The following FAM47E variants were observed in gnomAD, a reference collection of about 807,000 sequenced individuals.
The protein encoded by FAM47E is protein FAM47E.
FAM47E carries 32 observed loss-of-function variants against 41.6 expected under a neutral mutation model. That is an observed-to-expected ratio of 0.77 (90% CI 0.58 to 1.03). FAM47E has a LOEUF of 1.03. Ranked by LOEUF, FAM47E falls within the 50% of genes least tolerant of loss-of-function variation. The pLI is 0.00. For missense variants in FAM47E, 424 were observed against 485.4 expected, an observed-to-expected ratio of 0.87 and a Z score of 1.19; for synonymous variants, 184 against 188.7, an observed-to-expected ratio of 0.98 and a Z score of 0.20.
chr4:76,282,085 G>GTATGTAGAAGTACAGTA (rs1560755325), intron 7 of FAM47E: 2 of 148,908 alleles, frequency 1.3e-5, no homozygotes, highest in African/African-American at 5.0e-5. Flanking sequence ...GAAGTACAGT[G>GTATGTAGAAGTACAGTA]TACAGAGATA....
At chr4:76,253,815 A>C (rs1212918171) in intron 1 of FAM47E, among the ~76,000 whole-genome samples, 1 of 151,502 alleles carries the variant, frequency 6.6e-6, no homozygotes, top group East Asian at 1.9e-4. Context: ...AATTAAAAAA[A>C]AAAAAGAAAG....
At chr4:76,216,606 G>GT (rs1733211908) in intron 1 of FAM47E, among the ~76,000 whole-genome samples, 1 of 152,196 alleles carries the variant, frequency 6.6e-6, no homozygotes, top group South Asian at 2.1e-4. Context: ...TTTGATAAAT[G>GT]TATCTTAGTG....
At chr4:76,248,299 G>C (rs1407987480), upstream of FAM47E, among the ~76,000 whole-genome samples, 1 of 151,190 alleles carries the variant, frequency 6.6e-6, no homozygotes, top group Non-Finnish European at 1.5e-5. Context: ...TTCTTTTGTT[G>C]CTTTGGCTTT....
At chr4:76,223,983 G>A (rs1733351904) in intron 2 of FAM47E, among the ~76,000 whole-genome samples, 1 of 152,064 alleles carries the variant, frequency 6.6e-6, no homozygotes, top group Non-Finnish European at 1.5e-5. Context: ...TGATGTTGGG[G>A]GAATGTAATT....
At chr4:76,262,408 C>CT (rs1037345744) in intron 2 of FAM47E, among the ~76,000 whole-genome samples, 1 of 151,794 alleles carries the variant, frequency 6.6e-6, no homozygotes, top group Non-Finnish European at 1.5e-5. Flanking sequence ...TTCTTCTTAG[C>CT]TTTTTTTTAG....
intron 7 of FAM47E, chr4:76,282,663 G>A (rs1486680068): frequency 6.6e-6 from 1 of 151,754 alleles, no homozygotes; most frequent in Non-Finnish European, 1.5e-5. Flanking sequence ...CCCTACATCT[G>A]GCTGTCCTCT....
chr4:76,254,127 T>TA (rs1734087920), intron 1 of FAM47E, among the ~76,000 whole-genome samples: 8 of 54,840 alleles, frequency 1.5e-4, no homozygotes, highest in African/African-American at 4.1e-4. Flanking sequence ...GACCCTGTCT[T>TA]GAAAAAAAAA....
chr4:76,220,135 G>C (rs967627605), intron 2 of FAM47E, among the ~76,000 whole-genome samples: 6 of 152,276 alleles, frequency 3.9e-5, no homozygotes, highest in Non-Finnish European at 7.3e-5. Flanking sequence ...ATTATCATAT[G>C]ACCTAGCAAC....
intron 5 of FAM47E, among the ~76,000 whole-genome samples, chr4:76,273,901 A>AT (rs558179280): frequency 7.1e-4 from 108 of 151,308 alleles, no homozygotes; most frequent in African/African-American, 2.4e-3. Context: ...CCCATCTAGT[A>AT]TTTTTTTAGA....
chr4:76,235,014 A>G (rs773156349), intron 2 of FAM47E, among the ~76,000 whole-genome samples: 140 of 152,310 alleles, frequency 9.2e-4, no homozygotes, highest in Non-Finnish European at 1.7e-3. Flanking sequence ...TCCCTCCTGA[A>G]AAATAAACAT....
chr4:76,275,813 C>T (rs987263387), intron 5 of FAM47E, among the ~76,000 whole-genome samples: 1 of 152,182 alleles, frequency 6.6e-6, no homozygotes, highest in South Asian at 2.1e-4. Flanking sequence ...CTCTCCTTCT[C>T]CCCTTTCTAC....
intron 5 of FAM47E, among the ~76,000 whole-genome samples, chr4:76,273,125 T>A (rs1734961053): frequency 6.6e-6 from 1 of 152,198 alleles, no homozygotes. Context: ...TTTTTTGATA[T>A]GATAACAGGC....
upstream of FAM47E, among the ~76,000 whole-genome samples, chr4:76,249,759 T>A (rs1010727120): frequency 3.0e-4 from 45 of 152,098 alleles, no homozygotes; most frequent in African/African-American, 1.1e-3. Context: ...TCCCCATAGC[T>A]TAGCTCCTAC....
At chr4:76,247,262 A>G (rs1733847853), upstream of FAM47E, among the ~76,000 whole-genome samples, 1 of 152,120 alleles carries the variant, frequency 6.6e-6, no homozygotes, top group Non-Finnish European at 1.5e-5. Flanking sequence ...AATCCATGTT[A>G]TAACTTATCA....
chr4:76,253,143 C>G (rs1185013905), intron 1 of FAM47E, among the ~76,000 whole-genome samples: 1 of 152,180 alleles, frequency 6.6e-6, no homozygotes, highest in African/African-American at 2.4e-5. Flanking sequence ...CTGTTTGAGA[C>G]TGGCTCTTTT....
Position 76,280,298 on chromosome 4 carries a change from C to A in FAM47E, c.1061C>A (p.Ala354Asp). Residue 354 changes from alanine to aspartate, a missense_variant, in exon 7 of 8, where the codon GCC (alanine) becomes GAC (aspartate). By Grantham distance (126) the Ala-to-Asp change is moderately radical. Coordinates refer to ENST00000424749, the MANE Select transcript of FAM47E (RefSeq NM_001136570.3). ...ELLADLHGTV[A>D]FKDFILSRGY... ...CTTGCAGACCTTCACGGAACAGTTGCCTTTAAGGATTTCATTCTAAGCAGG... is the reference window on the plus strand; with the variant it reads ...CTTGCAGACCTTCACGGAACAGTTGACTTTAAGGATTTCATTCTAAGCAGG... The A allele has an allele frequency of 6.4e-7, 1 of 1,550,650 alleles. No individual in the cohort carries two copies. Among genetic ancestry groups the A allele is most frequent in the Middle Eastern group, 1.7e-4 (1 of 5,984 alleles).
intron 2 of FAM47E, chr4:76,236,516 C>T (rs1207878570): frequency 6.6e-6 from 1 of 152,172 alleles, no homozygotes; most frequent in Non-Finnish European, 1.5e-5. Context: ...TAACCCAGCC[C>T]TCAGGAGATC....
intron 2 of FAM47E, among the ~76,000 whole-genome samples, chr4:76,263,461 T>C (rs1734502956): frequency 6.6e-6 from 1 of 152,224 alleles, no homozygotes. Flanking sequence ...ATTGTGATTT[T>C]GAGGATTTTA....
intron 5 of FAM47E, among the ~76,000 whole-genome samples, chr4:76,275,242 A>G (rs1735047207): frequency 6.6e-6 from 1 of 152,052 alleles, no homozygotes; most frequent in Non-Finnish European, 1.5e-5. Context: ...AGCCTTGCTC[A>G]TAGTATTCTC....
Sources: gnomAD v4.1 joint callset for allele counts (sites outside exome capture counted in the v4.1 genomes callset) on GRCh38, gnomAD v4.1.1 for gene constraint, MANE v1.5 for transcripts, NCBI Gene and HGNC (gene_info 2026-07-23, HGNC 2026-07-21) for gene names.